Variants in LAMA3 observed in about 807,000 individuals in gnomAD.
The protein encoded by LAMA3 is laminin subunit alpha 3, also known as laminin subunit alpha-3.
A neutral mutation model predicts 402.0 loss-of-function variants in LAMA3; 281 were observed. That is an observed-to-expected ratio of 0.70 (90% CI 0.63 to 0.77). LAMA3 has a LOEUF of 0.77. Among genes scored for constraint, LAMA3 ranks in the 30% least tolerant of loss-of-function variants. LAMA3 has a pLI of 0.00. For synonymous variants in LAMA3, 1,431 were observed against 1,558.4 expected (o/e 0.92, Z 1.93); for missense variants, 3,840 against 4,215.5 (o/e 0.91, Z 2.47).
At chr18:23,815,033 C>CTAA (rs2063148490) in intron 15 of LAMA3, among the ~76,000 whole-genome samples, 155 bp from the exon 16 acceptor site, 1 of 152,224 alleles carries the variant, frequency 6.6e-6, no homozygotes, top group Admixed American at 6.5e-5. Flanking sequence ...AGAAAGCAGT[C>CTAA]TAATTTTAGG....
In LAMA3 at chr18:23,879,816, C is replaced by T. The variant is rs1214077305; in HGVS notation, c.5113-2120C>T. 6.6e-6 allele frequency among the ~76,000 whole-genome samples: 1 copy of T among 152,194 alleles called. No homozygotes were observed. Among genetic ancestry groups the T allele is most frequent in the Non-Finnish European group, 1.5e-5 (1 of 68,030 alleles). On this transcript the variant is annotated intron_variant, in intron 39 of 74. Transcript: ENST00000313654. This position sits in a 1 kb window ranked among gnomAD's most constrained non-coding sequence, Gnocchi z 4.2. ...CTTTGTCAAGCAACACGGGTTTTGA[C>T]ACTCTTCCTTGATCCTCTCCTCTCA...
chr18:23,915,320 A>G lies in LAMA3; in HGVS notation c.7676A>G (p.Lys2559Arg), dbSNP rs189546268. Residue 2559 changes from lysine (K) to arginine (R), a missense_variant, in exon 59 of 75, where the codon AAA (lysine) becomes AGA (arginine). Transcript: ENST00000313654. Reference protein sequence around the residue: ...LPSRLSFPPYKGCIELDDLNE... With the variant: ...LPSRLSFPPYRGCIELDDLNE... ...AGTCGACTAAGTTTCCCTCCATACA[A>G]AGGTTGTATTGAATTAGATGACCTC... 2.5e-6 allele frequency: 4 copies of G among 1,613,816 alleles called. No individual in the cohort carries two copies. Among genetic ancestry groups the G allele is most frequent in the Non-Finnish European group, 3.4e-6 (4 of 1,179,770 alleles).
At chr18:23,732,690 C>T (rs965032884) in intron 2 of LAMA3, among the ~76,000 whole-genome samples, 9 of 151,992 alleles carry the variant, frequency 5.9e-5, no homozygotes, top group African/African-American at 1.7e-4. Flanking sequence ...GCACAGGCTT[C>T]GGAATCCTAC....
chr18:23,815,264 T>A, intron 16 of LAMA3, 24 bp downstream of exon 16: 1 of 1,610,326 alleles, frequency 6.2e-7, no homozygotes, highest in Non-Finnish European at 8.5e-7. Flanking sequence ...AGTTTTCATG[T>A]GACAACAGCA....
chr18:23,920,883 G>A (rs2081810654), intron 60 of LAMA3, 52 bp from the exon 61 acceptor site: 1 of 1,610,310 alleles, frequency 6.2e-7, no homozygotes, highest in Admixed American at 1.7e-5. Flanking sequence ...CCAGTGCTCT[G>A]CCTCTTCTTC....
chr18:23,899,355 A>G lies in LAMA3; in HGVS notation c.5904A>G (p.Arg1968=), dbSNP rs776153239. ...GNNVPSGDFS[R]EWAEAQRMMR... is the part of the protein sequence containing the mutation. Reference sequence around the variant, plus strand: ...ACGTGCCTTCAGGTGACTTTTCCAGAGAGTGGGCTGAAGCCCAGCGCATGA... The same window carrying G: ...ACGTGCCTTCAGGTGACTTTTCCAGGGAGTGGGCTGAAGCCCAGCGCATGA... Residue 1968 remains arginine, a synonymous_variant, in exon 47 of 75, where the codon AGA becomes AGG. Coordinates refer to ENST00000313654, the MANE Select transcript of LAMA3 (RefSeq NM_198129.4). The G allele has an allele frequency of 6.2e-7, 1 of 1,614,118 alleles. No individual in the cohort carries two copies. The highest frequency in any genetic ancestry group is 1.1e-5 in the South Asian group (1 of 91,086).
chr18:23,884,259 A>C (rs991394367), intron 40 of LAMA3, among the ~76,000 whole-genome samples: 1 of 152,202 alleles, frequency 6.6e-6, no homozygotes, highest in African/African-American at 2.4e-5. Context: ...TGCCCACAGA[A>C]ATGCCGAGGC....
chr18:23,847,457 T>C lies in LAMA3; in HGVS notation c.3932-7T>C. On this transcript the variant is annotated splice_polypyrimidine_tract_variant and splice_region_variant and intron_variant, in intron 31 of 74. Coordinates refer to ENST00000313654, the MANE Select transcript of LAMA3 (RefSeq NM_198129.4). ...CCTCACATGGTATTTCTTTATCCCCTGGCCAGCGTGCAGCTGTGGTCGGCG... is the reference window on the plus strand; with the variant it reads ...CCTCACATGGTATTTCTTTATCCCCCGGCCAGCGTGCAGCTGTGGTCGGCG... 1.2e-6 allele frequency: 2 copies of C among 1,610,082 alleles called. No homozygotes were observed. Among genetic ancestry groups the C allele is most frequent in the Non-Finnish European group, 1.7e-6 (2 of 1,180,002 alleles).
chr18:23,863,138 T>TA (rs2064266934), intron 35 of LAMA3, among the ~76,000 whole-genome samples: 1 of 152,168 alleles, frequency 6.6e-6, no homozygotes, highest in African/African-American at 2.4e-5. Flanking sequence ...AGCAAGTCAC[T>TA]AAGCCCAGCC....
intron 37 of LAMA3, among the ~76,000 whole-genome samples, chr18:23,869,307 G>A (rs944896701): frequency 6.6e-6 from 1 of 152,206 alleles, no homozygotes; most frequent in African/African-American, 2.4e-5. Context: ...TTTGTATACT[G>A]TTGAAATTAA....
Position 23,846,485 on chromosome 18 carries a change from A to G in LAMA3, c.3908A>G (p.His1303Arg). ...CAGTGCACCCGCTGTGCAACAGGCC[A>G]CTACGGATTCCCACGCTGCAAGCGT... ...GRQCTRCATG[H>R]YGFPRCKPCS... Residue 1303 changes from histidine to arginine, a missense_variant, in exon 31 of 75, where the codon CAC (histidine) becomes CGC (arginine). Around this residue, in one of 3 missense-constraint regions of LAMA3, gnomAD observed 2,109 missense variants for 2,376.0 expected, o/e 0.89. Transcript: ENST00000313654. 1.9e-6 allele frequency: 3 copies of G among 1,611,326 alleles called. No homozygotes were observed. Among genetic ancestry groups the G allele is most frequent in the South Asian group, 1.1e-5 (1 of 91,074 alleles).
At chr18:23,724,484 C>T (rs768637798) in intron 2 of LAMA3, among the ~76,000 whole-genome samples, 7 of 151,900 alleles carry the variant, frequency 4.6e-5, no homozygotes, top group African/African-American at 9.7e-5. Flanking sequence ...CTATCTCACC[C>T]CCTGCCACCC....
At chr18:23,820,298 G>T (rs2063259995) in intron 19 of LAMA3, among the ~76,000 whole-genome samples, 1 of 152,182 alleles carries the variant, frequency 6.6e-6, no homozygotes, top group Admixed American at 6.5e-5. Context: ...TTTTATAGAA[G>T]GGGGAAGTTT....
intron 2 of LAMA3, among the ~76,000 whole-genome samples, chr18:23,717,863 C>T (rs2061137837): frequency 6.6e-6 from 1 of 151,622 alleles, no homozygotes; most frequent in South Asian, 2.1e-4. Context: ...GTCACCGTGC[C>T]TGGTCCACAG....
chr18:23,764,702 T>C (rs2062040183), intron 8 of LAMA3, among the ~76,000 whole-genome samples: 1 of 152,160 alleles, frequency 6.6e-6, no homozygotes, highest in Admixed American at 6.5e-5. Flanking sequence ...GATATTTAGG[T>C]AGCGTAATTA....
chr18:23,895,037 G>C lies in LAMA3; in HGVS notation c.5592G>C (p.Glu1864Asp), dbSNP rs752913227. The C allele has an allele frequency of 6.2e-7, 1 of 1,606,808 alleles. No individual in the cohort carries two copies. Among genetic ancestry groups the C allele is most frequent in the East Asian group, 2.2e-5 (1 of 44,528 alleles). Residue 1864 changes from glutamate to aspartate, a missense_variant, in exon 44 of 75, where the codon GAG becomes GAC. By Grantham distance (45) the Glu-to-Asp change is conservative. Coordinates refer to ENST00000313654, the MANE Select transcript of LAMA3 (RefSeq NM_198129.4). ...AGLLEQMRHM[E>D]TQAKDLRNQL... is the part of the protein sequence containing the mutation. ...TTCTGGAGCAGATGAGGCACATGGA[G>C]ACCCAGGCCAAGGACCTGAGGGTAA...
chr18:23,794,693 C>T (rs746886812), intron 12 of LAMA3, among the ~76,000 whole-genome samples: 4 of 152,156 alleles, frequency 2.6e-5, no homozygotes, highest in African/African-American at 4.8e-5. Context: ...ACCCACACTA[C>T]GTGAAATTGA....
chr18:23,811,752 C>T (rs2063073238), intron 13 of LAMA3, among the ~76,000 whole-genome samples: 1 of 152,102 alleles, frequency 6.6e-6, no homozygotes, highest in Admixed American at 6.5e-5. Context: ...CAGGGTGGCT[C>T]ATGCTTGTAA....
At chr18:23,892,491 GT>G (rs917039216) in intron 42 of LAMA3, among the ~76,000 whole-genome samples, 65 of 151,956 alleles carry the variant, frequency 4.3e-4, no homozygotes, top group African/African-American at 1.5e-3. Context: ...GAGAAGCCTA[GT>G]CCCCCATAAA....
Sources: allele counts gnomAD v4.1 joint callset (sites outside exome capture counted in the v4.1 genomes callset), GRCh38; gene constraint gnomAD v4.1.1; regional missense constraint gnomAD v4.1.1; non-coding constraint Gnocchi (gnomAD v3.1); transcripts MANE v1.5; gene names NCBI Gene and HGNC (gene_info 2026-07-23, HGNC 2026-07-21).